TNS3: variants seen among roughly 807,000 people sequenced by gnomAD.
TNS3 encodes the protein tensin 3.
Under a neutral mutation model 140.9 loss-of-function variants are expected in TNS3, and 45 were observed. That is an observed-to-expected ratio of 0.32 (90% CI 0.25 to 0.41). The LOEUF is 0.41. Ranked by LOEUF, TNS3 falls within the 10% of genes least tolerant of loss-of-function variation. TNS3 has a pLI of 1.00. For synonymous variants in TNS3, 815 were observed against 788.4 expected (o/e 1.03, Z -0.56); for missense variants, 1,716 against 1,906.7 (o/e 0.90, Z 1.86).
At chr7:47,333,282 G>A (rs1007426247) in intron 20 of TNS3, among the ~76,000 whole-genome samples, 3 of 152,178 alleles carry the variant, frequency 2.0e-5, no homozygotes, top group African/African-American at 7.2e-5. Context: ...TTGTTCATCT[G>A]GGGCAGGGGT....
At chr7:47,309,884 C>G (rs1315142295) in intron 20 of TNS3, among the ~76,000 whole-genome samples, 1 of 152,184 alleles carries the variant, frequency 6.6e-6, no homozygotes, top group Admixed American at 6.5e-5. Flanking sequence ...ATTATGAAAG[C>G]TACACAAAAT....
At chr7:47,495,333 G>C (rs1018399313) in intron 3 of TNS3, among the ~76,000 whole-genome samples, 1 of 152,170 alleles carries the variant, frequency 6.6e-6, no homozygotes, top group Non-Finnish European at 1.5e-5. Context: ...CATCAACTAA[G>C]TGCCTGTCCT....
chr7:47,306,636 G>A (rs934917630), intron 20 of TNS3, among the ~76,000 whole-genome samples: 12 of 151,844 alleles, frequency 7.9e-5, no homozygotes, highest in Non-Finnish European at 1.2e-4. Flanking sequence ...GTGCAGTGGC[G>A]TGATCTCGAC....
chr7:47,306,606 G>A (rs187755315), intron 20 of TNS3, among the ~76,000 whole-genome samples: 93 of 151,266 alleles, frequency 6.1e-4, no homozygotes, highest in Admixed American at 1.6e-3. Context: ...ACGGAGTCTC[G>A]CTCTGTCGCC....
chr7:47,517,022 C>T (rs1283909106), intron 2 of TNS3, among the ~76,000 whole-genome samples: 1 of 152,188 alleles, frequency 6.6e-6, no homozygotes, highest in African/African-American at 2.4e-5. Context: ...AAGACCACAG[C>T]ACTGCACTCC....
At chr7:47,514,331 G>A (rs1296552946) in intron 2 of TNS3, among the ~76,000 whole-genome samples, 1 of 152,098 alleles carries the variant, frequency 6.6e-6, no homozygotes, top group Admixed American at 6.5e-5. Context: ...CTGGCCCAAA[G>A]CAAAAAACAC....
At chr7:47,480,893 G>A (rs1224124561) in intron 4 of TNS3, among the ~76,000 whole-genome samples, 1 of 152,220 alleles carries the variant, frequency 6.6e-6, no homozygotes, top group Non-Finnish European at 1.5e-5. Context: ...AAGGCGCAGC[G>A]GATCCTCTTC....
rs185094513 is a variant in TNS3, at chr7:47,490,258, G to A, written c.-114-9117C>T. Among the ~76,000 whole-genome samples, 187 of 152,256 alleles carry A rather than the reference G, an allele frequency of 1.2e-3. 2 individuals carry two copies. Among genetic ancestry groups the A allele is most frequent in the African/African-American group, 4.3e-3 (178 of 41,526 alleles). On this transcript the variant is annotated intron_variant, in intron 3 of 30. Coordinates refer to ENST00000311160, the MANE Select transcript of TNS3 (RefSeq NM_022748.12). ...ATCTGATCAGCCTATAATTCTCACC[G>A]GCCACCTATAATTAATAATAAAGTA...
chr7:47,315,853 A>G (rs1273927126), intron 20 of TNS3, among the ~76,000 whole-genome samples: 1 of 152,258 alleles, frequency 6.6e-6, no homozygotes, highest in Non-Finnish European at 1.5e-5. Context: ...ATAAGGCATA[A>G]AAATTATTCA....
chr7:47,408,804 G>C (rs74939598), intron 13 of TNS3, among the ~76,000 whole-genome samples: 1 of 152,072 alleles, frequency 6.6e-6, no homozygotes, highest in African/African-American at 2.4e-5. Context: ...TCAAGCCTGG[G>C]ATGCTTCATC....
intron 20 of TNS3, among the ~76,000 whole-genome samples, chr7:47,318,018 T>A (rs1022332518): frequency 2.0e-5 from 3 of 152,214 alleles, no homozygotes; most frequent in Non-Finnish European, 4.4e-5. Context: ...GTACATTCAC[T>A]TTTTCGTACA....
chr7:47,448,476 ATTTTTTTTT>A (rs71003401), intron 4 of TNS3, among the ~76,000 whole-genome samples: 1 of 129,678 alleles, frequency 7.7e-6, no homozygotes. Context: ...TGGGAATTCG[ATTTTTTTTT>A]TTTTTTTTTT....
At chr7:47,451,733 G>A (rs1225017008) in intron 4 of TNS3, among the ~76,000 whole-genome samples, 1 of 152,230 alleles carries the variant, frequency 6.6e-6, no homozygotes, top group Non-Finnish European at 1.5e-5. Context: ...AGACACCTCT[G>A]CACATTCTGT....
intron 15 of TNS3, among the ~76,000 whole-genome samples, chr7:47,399,080 GA>G (rs55834937): frequency 0.087 from 8,104 of 93,484 alleles, 244 homozygotes; most frequent in East Asian, 0.1. Context: ...TACGACAGCT[GA>G]AAAAAAAAAA....
chr7:47,371,666 A>C (rs922219159), intron 16 of TNS3, among the ~76,000 whole-genome samples: 5 of 151,392 alleles, frequency 3.3e-5, no homozygotes, highest in Non-Finnish European at 7.3e-5. Flanking sequence ...AATTAAACAA[A>C]GGGAAAGACT....
chr7:47,322,000 C>T (rs1312838602), intron 20 of TNS3, among the ~76,000 whole-genome samples: 1 of 151,990 alleles, frequency 6.6e-6, no homozygotes, highest in Non-Finnish European at 1.5e-5. Context: ...CCCGACCCTC[C>T]CAGCTGTCCT....
intron 27 of TNS3, among the ~76,000 whole-genome samples, chr7:47,286,438 G>A (rs542938259): frequency 6.6e-6 from 1 of 152,296 alleles, no homozygotes; most frequent in East Asian, 1.9e-4. Flanking sequence ...GCAGAGAACA[G>A]GCATGCCTGC....
At chr7:47,284,371 C>G (rs775298435) in intron 27 of TNS3, among the ~76,000 whole-genome samples, 1 of 152,180 alleles carries the variant, frequency 6.6e-6, no homozygotes, top group South Asian at 2.1e-4. Context: ...TTGCAGTGAG[C>G]TCAGAGAACA....
At chr7:47,534,212 T>A (rs1422958672) in intron 1 of TNS3, among the ~76,000 whole-genome samples, 1 of 151,972 alleles carries the variant, frequency 6.6e-6, no homozygotes, top group East Asian at 1.9e-4. Flanking sequence ...AGTCAGAGGC[T>A]GCAGTAGGCC....
Sources: allele counts gnomAD v4.1 joint callset (sites outside exome capture counted in the v4.1 genomes callset), GRCh38; gene constraint gnomAD v4.1.1; transcripts MANE v1.5; gene names NCBI Gene and HGNC (gene_info 2026-07-23, HGNC 2026-07-21).